MSH3: variants seen among roughly 807,000 people sequenced by gnomAD.
MSH3 encodes mutS homolog 3.
Under a neutral mutation model 123.3 loss-of-function variants are expected in MSH3, and 106 were observed. The observed-to-expected ratio is 0.86, with a 90% CI of 0.73 to 1.01. The LOEUF is 1.01. MSH3 is among the 50% of genes least tolerant of loss of function. The pLI, the probability that MSH3 is intolerant of heterozygous loss-of-function variation, is 0.00. For missense variants in MSH3, 1,459 were observed against 1,347.6 expected (o/e 1.08, Z -1.29); for synonymous variants, 515 against 481.4 (o/e 1.07, Z -0.91).
intron 11 of MSH3, among the ~76,000 whole-genome samples, chr5:80,743,486 A>G (rs903521241): frequency 2.0e-5 from 3 of 152,058 alleles, no homozygotes; most frequent in Non-Finnish European, 4.4e-5. Flanking sequence ...TGTCCTTGCT[A>G]TGTTCAGCAC....
rs571281433 is a variant in MSH3, at chr5:80,835,697, T to C, written c.2814-18433T>C. On this transcript the variant is annotated intron_variant, in intron 20 of 23. Transcript: ENST00000265081. Reference sequence around the variant, plus strand: ...TGGGAGCCTGAGGTGGGTGGATGACTTGAGGTCAGGAGTTCGAGACCAGCC... The same window carrying C: ...TGGGAGCCTGAGGTGGGTGGATGACCTGAGGTCAGGAGTTCGAGACCAGCC... 1.2e-3 allele frequency among the ~76,000 whole-genome samples: 186 copies of C among 152,156 alleles called. 1 individual carries two copies. Among genetic ancestry groups the C allele is most frequent in the African/African-American group, 4.3e-3 (180 of 41,534 alleles).
chr5:80,837,372 A>G (rs1745533905), intron 20 of MSH3, among the ~76,000 whole-genome samples: 1 of 152,152 alleles, frequency 6.6e-6, no homozygotes, highest in African/African-American at 2.4e-5. Flanking sequence ...TGAGCTCACA[A>G]GTTCGAGACC....
intron 19 of MSH3, among the ~76,000 whole-genome samples, chr5:80,802,008 G>C (rs1744797830): frequency 6.6e-6 from 1 of 152,140 alleles, no homozygotes; most frequent in African/African-American, 2.4e-5. Context: ...ACTTGACATA[G>C]TATGCATTCA....
In MSH3 at chr5:80,692,735, T is replaced by C. The variant is rs537325136; in HGVS notation, c.1340+13642T>C. ...ATATGTTTATATAGATAAATATACA[T>C]ACACATGTATATGTTTAGATAAATA... On this transcript the variant is annotated intron_variant, in intron 8 of 23. Coordinates refer to ENST00000265081, the MANE Select transcript of MSH3 (RefSeq NM_002439.5). Among the ~76,000 whole-genome samples the C allele has an allele frequency of 1.4e-3, 186 of 136,954 alleles. 4 individuals are homozygous for C. Among genetic ancestry groups the C allele is most frequent in the African/African-American group, 4.8e-3 (178 of 37,374 alleles). 89.8% of individuals were successfully genotyped at this position (136,954 alleles called of 152,430 possible). A position where few individuals can be genotyped will look rare whatever the true frequency, so the allele number is the denominator to read the frequency against.
At chr5:80,818,410 A>AAG (rs1312602381) in intron 20 of MSH3, among the ~76,000 whole-genome samples, 1 of 150,112 alleles carries the variant, frequency 6.7e-6, no homozygotes, top group East Asian at 1.9e-4. Flanking sequence ...GACAAAAAAA[A>AAG]AAAAAAAAAA....
At chr5:80,725,697 T>C (rs1743283201) in intron 9 of MSH3, 132 bp downstream of exon 9, 1 of 714,698 alleles carries the variant, frequency 1.4e-6, no homozygotes, top group East Asian at 2.8e-5. Context: ...CTCACTGTTG[T>C]TGTGCTCATC....
chr5:80,693,563 A>G (rs1477810401), intron 8 of MSH3, among the ~76,000 whole-genome samples: 3 of 151,312 alleles, frequency 2.0e-5, no homozygotes, highest in African/African-American at 7.3e-5. Context: ...ATGTGTTTAT[A>G]TAAATATATA....
intron 12 of MSH3, among the ~76,000 whole-genome samples, chr5:80,753,378 C>G (rs1245863158): frequency 6.6e-6 from 1 of 152,110 alleles, no homozygotes; most frequent in Non-Finnish European, 1.5e-5. Context: ...CCTGTAGCTA[C>G]CGTCAGGAAT....
intron 8 of MSH3, among the ~76,000 whole-genome samples, chr5:80,714,066 T>A (rs1342216866): frequency 6.6e-6 from 1 of 151,802 alleles, no homozygotes; most frequent in Non-Finnish European, 1.5e-5. Context: ...GTAGAAATTT[T>A]CCTAAAATCT....
At chr5:80,690,033 C>G (rs1177635618) in intron 8 of MSH3, among the ~76,000 whole-genome samples, 2 of 152,076 alleles carry the variant, frequency 1.3e-5, no homozygotes, top group African/African-American at 4.8e-5. Context: ...TAATCAGGCA[C>G]ATACCTGTAG....
chr5:80,795,994 A>C (rs1275371068), intron 19 of MSH3, among the ~76,000 whole-genome samples: 1 of 151,970 alleles, frequency 6.6e-6, no homozygotes, highest in Non-Finnish European at 1.5e-5. Flanking sequence ...AAAAAAAAAA[A>C]AGAAGACTAT....
At chr5:80,801,511 C>A (rs943500203) in intron 19 of MSH3, among the ~76,000 whole-genome samples, 1 of 152,188 alleles carries the variant, frequency 6.6e-6, no homozygotes, top group Non-Finnish European at 1.5e-5. Flanking sequence ...ACACATTTAA[C>A]TTCTAAAGCC....
chr5:80,785,683 C>T (rs1451080172), intron 17 of MSH3, among the ~76,000 whole-genome samples: 2 of 152,152 alleles, frequency 1.3e-5, no homozygotes, highest in Admixed American at 6.5e-5. Flanking sequence ...TATAAAGACA[C>T]ATGCACACGT....
intron 20 of MSH3, among the ~76,000 whole-genome samples, chr5:80,819,378 G>GTATATA (rs1561488497): frequency 1.4e-4 from 2 of 13,842 alleles, no homozygotes; most frequent in East Asian, 6.0e-3. Flanking sequence ...GTATATATAT[G>GTATATA]TGTATATATG....
Position 80,741,481 on chromosome 5 carries a change from C to G in MSH3, c.1586C>G (p.Ser529Ter), listed in dbSNP as rs758191157. ...TTTTACAGGAATTTTAAACAGCTAT[C>G]AAGTAAAATGGAATTTATGACAATT... The part of the protein sequence containing the change: ...LSKPENFKQL[S>*]SKMEFMTING... Residue 529 changes from serine (S) to a stop codon, truncating the protein, a stop_gained, in exon 11 of 24, where the codon TCA becomes TGA. Transcript: ENST00000265081. LOFTEE classifies it high-confidence loss of function. 33 of 1,593,790 alleles carry G rather than the reference C, an allele frequency of 2.1e-5. No homozygotes were observed. The highest frequency in any genetic ancestry group is 2.7e-5 in the Non-Finnish European group (31 of 1,161,674).
At chr5:80,738,739 A>G (rs1743558614) in intron 10 of MSH3, among the ~76,000 whole-genome samples, 1 of 152,200 alleles carries the variant, frequency 6.6e-6, no homozygotes, top group Non-Finnish European at 1.5e-5. Context: ...TCTCATGCCA[A>G]CTGTTATGGC....
chr5:80,662,787 A>G (rs1749464765), intron 2 of MSH3, among the ~76,000 whole-genome samples: 1 of 151,598 alleles, frequency 6.6e-6, no homozygotes, highest in African/African-American at 2.4e-5. Context: ...AGATCGCGCC[A>G]TTGCACTCCA....
chr5:80,846,860 CT>C (rs1745731973), intron 20 of MSH3, among the ~76,000 whole-genome samples: 2 of 152,328 alleles, frequency 1.3e-5, no homozygotes, highest in South Asian at 4.1e-4. Context: ...CCCCCGTCCC[CT>C]TGCACTTCCC....
At chr5:80,836,618 C>T (rs1470104416) in intron 20 of MSH3, among the ~76,000 whole-genome samples, 3 of 150,668 alleles carry the variant, frequency 2.0e-5, no homozygotes, top group Non-Finnish European at 2.9e-5. Context: ...TTCAGGACCC[C>T]CCAGTATGAA....
Sources: allele counts gnomAD v4.1 joint callset (sites outside exome capture counted in the v4.1 genomes callset), GRCh38; gene constraint gnomAD v4.1.1; transcripts MANE v1.5; gene names NCBI Gene and HGNC (gene_info 2026-07-23, HGNC 2026-07-21).